The following MAX variants were observed in gnomAD, a reference collection of about 807,000 sequenced individuals.
The protein encoded by MAX is protein max.
Under a neutral mutation model 22.3 loss-of-function variants are expected in MAX, and 3 were observed. The observed-to-expected ratio is 0.13, with a 90% CI of 0.06 to 0.35. The LOEUF (loss-of-function observed/expected upper bound fraction) is 0.35. Among genes scored for constraint, MAX ranks in the 10% least tolerant of loss-of-function variants. The pLI, the probability that MAX is intolerant of heterozygous loss-of-function variation, is 1.00. For missense variants in MAX, 119 were observed against 209.4 expected, an observed-to-expected ratio of 0.57 and a Z score of 2.66; for synonymous variants, 72 against 77.7, an observed-to-expected ratio of 0.93 and a Z score of 0.39.
chr14:65,092,595 C>T (rs1014871078), intron 3 of MAX, among the ~76,000 whole-genome samples: 4 of 152,134 alleles, frequency 2.6e-5, no homozygotes, highest in African/African-American at 7.2e-5. Flanking sequence ...GTAGGCTTAA[C>T]CCATGGCAAA....
In MAX at chr14:65,044,753, G is replaced by C. The variant is rs564836861; in HGVS notation, c.172-38469C>G. 1 of 355,896 alleles carries C rather than the reference G, an allele frequency of 2.8e-6. No homozygotes were observed. Among genetic ancestry groups the C allele is most frequent in the South Asian group, 3.4e-5 (1 of 29,268 alleles). 22.0% of individuals were successfully genotyped at this position (355,896 alleles called of 1,614,324 possible). On this transcript the variant is annotated intron_variant, in intron 3 of 3. Coordinates refer to the MAX transcript ENST00000341653. The surrounding 1 kb of genome is among the most constrained non-coding windows in gnomAD (Gnocchi z 5.5). ...TATCTGGAAGGAGCAGCCCACTCCT[G>C]TCCTGGGCTCTGTGGTGATTGCCAC...
At chr14:65,071,111 T>C (rs907689502), downstream of MAX, among the ~76,000 whole-genome samples, 5 of 152,148 alleles carry the variant, frequency 3.3e-5, no homozygotes, top group South Asian at 2.1e-4. This position sits in a 1 kb window ranked among gnomAD's most constrained non-coding sequence, Gnocchi z 4.2. Flanking sequence ...TAAACTCTTA[T>C]TACATCAGCG....
At chr14:65,058,234 A>T (rs1414250067) in intron 3 of MAX, among the ~76,000 whole-genome samples, 18 of 143,284 alleles carry the variant, frequency 1.3e-4, no homozygotes, top group Non-Finnish European at 1.2e-4. Context: ...TTTTTTTATA[A>T]TTTTTTCCAT....
In MAX at chr14:65,077,082, G is replaced by T; in HGVS notation, c.296-419C>A. The stretch of plus-strand genomic sequence containing the variant: ...GATGACATAAGACGTATCAGCCAAA[G>T]AACAGTTTTGGCTTAGCTCTCGTGT... On this transcript the variant is annotated intron_variant, in intron 4 of 4. Transcript: ENST00000358664. This position sits in a 1 kb window ranked among gnomAD's most constrained non-coding sequence, Gnocchi z 6.3. 3.5e-6 allele frequency: 2 copies of T among 575,284 alleles called. No individual in the cohort carries two copies. Among genetic ancestry groups the T allele is most frequent in the Admixed American group, 3.0e-5 (1 of 33,140 alleles). 35.6% of individuals were successfully genotyped at this position (575,284 alleles called of 1,614,324 possible).
chr14:65,024,828 A>G (rs1323663587), intron 3 of MAX, among the ~76,000 whole-genome samples: 1 of 152,190 alleles, frequency 6.6e-6, no homozygotes, highest in Non-Finnish European at 1.5e-5. Flanking sequence ...TGTGTTGCCC[A>G]GGCTGGTCTT....
In MAX at chr14:65,093,328, A is replaced by G. The variant is rs1461843666; in HGVS notation, c.171+380T>C. Among the ~76,000 whole-genome samples, 2 of 152,190 alleles carry G rather than the reference A, an allele frequency of 1.3e-5. No individual in the cohort carries two copies. Among genetic ancestry groups the G allele is most frequent in the Non-Finnish European group, 2.9e-5 (2 of 68,026 alleles). On this transcript the variant is annotated intron_variant, in intron 3 of 4. Transcript: ENST00000358664. This position sits in a 1 kb window ranked among gnomAD's most constrained non-coding sequence, Gnocchi z 4.4. ...CAATAAAGTATTAACTTTGAACCAT[A>G]GGAAAGGAATTCTCATGGAGGTCTA...
At chr14:65,040,444 T>C (rs2062322897) in intron 3 of MAX, among the ~76,000 whole-genome samples, 1 of 151,804 alleles carries the variant, frequency 6.6e-6, no homozygotes, top group Non-Finnish European at 1.5e-5. Flanking sequence ...GTTTTTATTA[T>C]ACTTACATTT....
chr14:65,012,226 G>A lies in MAX; in HGVS notation c.172-5942C>T. On this transcript the variant is annotated intron_variant, in intron 3 of 3. Transcript: ENST00000341653. The surrounding 1 kb of genome is among the most constrained non-coding windows in gnomAD (Gnocchi z 5.0). ...TTGCAGGGGGACGTCCTGAAGCTGA[G>A]TGTTTACCCGTGTGTGTGTACGTGC... The A allele has an allele frequency of 2.0e-6, 3 of 1,523,492 alleles. No homozygotes were observed. Among genetic ancestry groups the A allele is most frequent in the Non-Finnish European group, 2.7e-6 (3 of 1,103,412 alleles). The allele number at this position is 1,523,492 out of a possible 1,614,324, so 94.4% of individuals were successfully genotyped here. A position where few individuals can be genotyped will look rare whatever the true frequency, so the allele number is the denominator to read the frequency against.
intron 3 of MAX, among the ~76,000 whole-genome samples, chr14:65,045,155 T>G (rs2062447410): frequency 1.3e-5 from 2 of 152,112 alleles, no homozygotes; most frequent in Non-Finnish European, 2.9e-5. Context: ...AACCTCAGTC[T>G]GCCTGCTAAC....
intron 2 of MAX, among the ~76,000 whole-genome samples, chr14:65,098,589 A>G (rs1171621282): frequency 1.3e-5 from 2 of 152,258 alleles, no homozygotes; most frequent in Non-Finnish European, 2.9e-5. Context: ...ACAGAAATAA[A>G]GCAAAAGGAA....
chr14:65,015,691 C>T (rs375671855), intron 3 of MAX: 95 of 1,614,046 alleles, frequency 5.9e-5, no homozygotes, highest in Non-Finnish European at 7.5e-5. Context: ...GCTAGATGAA[C>T]CCATCCCCCA....
chr14:65,058,138 G>C (rs1191086680), intron 3 of MAX, among the ~76,000 whole-genome samples: 2 of 151,720 alleles, frequency 1.3e-5, no homozygotes, highest in African/African-American at 4.8e-5. Flanking sequence ...TGTCTTCCCA[G>C]GAGTACAAAG....
chr14:65,102,214 C>T (rs2139974544), intron 1 of MAX, 90 bp downstream of exon 1: 2 of 1,582,082 alleles, frequency 1.3e-6, no homozygotes, highest in South Asian at 1.1e-5. Context: ...GGCGGCAGCC[C>T]GGCCCCCTCC....
Position 65,030,269 on chromosome 14 carries a change from T to C in MAX, c.172-23985A>G, listed in dbSNP as rs1429622910. 1.3e-5 allele frequency among the ~76,000 whole-genome samples: 2 copies of C among 152,230 alleles called. No homozygotes were observed. The highest frequency in any genetic ancestry group is 3.8e-4 in the East Asian group (2 of 5,200). ...TTAGCTGCTGGTAGATGATCACATT[T>C]GGCATTGGCACTTGTGACTCTTGTG... On this transcript the variant is annotated intron_variant, in intron 3 of 3. Coordinates refer to the MAX transcript ENST00000341653. This position sits in a 1 kb window ranked among gnomAD's most constrained non-coding sequence, Gnocchi z 4.5.
intron 3 of MAX, among the ~76,000 whole-genome samples, chr14:65,037,849 A>G (rs1278879689): frequency 6.7e-6 from 1 of 150,178 alleles, no homozygotes; most frequent in African/African-American, 2.5e-5. Flanking sequence ...GGTGCAGACC[A>G]GCTCACTGCA....
rs1455133310 is a variant in MAX, at chr14:65,011,417, A to G, written c.172-5133T>C. Among the ~76,000 whole-genome samples the G allele has an allele frequency of 7.0e-6, 1 of 142,118 alleles. No homozygotes were observed. The highest frequency in any genetic ancestry group is 2.7e-5 in the African/African-American group (1 of 37,620). 93.2% of individuals were successfully genotyped at this position (142,118 alleles called of 152,430 possible). A position where few individuals can be genotyped will look rare whatever the true frequency, so the allele number is the denominator to read the frequency against. On this transcript the variant is annotated intron_variant, in intron 3 of 3. Transcript: ENST00000341653. The surrounding 1 kb of genome is among the most constrained non-coding windows in gnomAD (Gnocchi z 4.0). ...GCACTCCAGCCTGGGTGACAGAGCGAGACTCCGTCTCAGGAAAAAAAAAAA... is the reference window on the plus strand; with the variant it reads ...GCACTCCAGCCTGGGTGACAGAGCGGGACTCCGTCTCAGGAAAAAAAAAAA...
intron 3 of MAX, among the ~76,000 whole-genome samples, chr14:65,057,544 T>G (rs932749345): frequency 6.6e-6 from 1 of 152,210 alleles, no homozygotes; most frequent in Non-Finnish European, 1.5e-5. Flanking sequence ...TTAAGGAATC[T>G]CTACCATTTT....
intron 3 of MAX, among the ~76,000 whole-genome samples, chr14:65,080,207 T>C (rs943308855): frequency 6.6e-6 from 1 of 152,164 alleles, no homozygotes; most frequent in East Asian, 1.9e-4. Flanking sequence ...GTGAGCCCTG[T>C]GTTAGACCAA....
rs1284811688 is a variant in MAX, at chr14:65,009,507, C to T, written c.172-3223G>A. ...CTTTCCTGTTTCCTTCTTCCCACATCAGAGACCTATATTTCGCTAGCTTCG... is the reference window on the plus strand; with the variant it reads ...CTTTCCTGTTTCCTTCTTCCCACATTAGAGACCTATATTTCGCTAGCTTCG... On this transcript the variant is annotated intron_variant, in intron 3 of 3. Coordinates refer to the MAX transcript ENST00000341653. The surrounding 1 kb of genome is among the most constrained non-coding windows in gnomAD (Gnocchi z 4.2). Among the ~76,000 whole-genome samples, 1 of 152,128 alleles carries T rather than the reference C, an allele frequency of 6.6e-6. No homozygotes were observed. The highest frequency in any genetic ancestry group is 2.4e-5 in the African/African-American group (1 of 41,412).
Sources: gnomAD v4.1 joint callset for allele counts (sites outside exome capture counted in the v4.1 genomes callset) on GRCh38, gnomAD v4.1.1 for gene constraint, Gnocchi (gnomAD v3.1) non-coding constraint, MANE v1.5 for transcripts, NCBI Gene and HGNC (gene_info 2026-07-23, HGNC 2026-07-21) for gene names.